The following UNC5B variants were observed in gnomAD, a reference collection of about 807,000 sequenced individuals.
The protein encoded by UNC5B is netrin receptor UNC5B.
In UNC5B, 56 loss-of-function variants were observed where a neutral mutation model predicts 103.7. That is an observed-to-expected ratio of 0.54 (90% CI 0.44 to 0.67). The LOEUF (loss-of-function observed/expected upper bound fraction) is 0.67. UNC5B is among the 30% of genes least tolerant of loss of function. UNC5B has a pLI of 0.00. For missense variants in UNC5B, 1,194 were observed against 1,284.5 expected (o/e 0.93, Z 1.08); for synonymous variants, 577 against 542.0 (o/e 1.06, Z -0.90).
intron 13 of UNC5B, among the ~76,000 whole-genome samples, chr10:71,294,285 C>T (rs563025615): frequency 1.2e-4 from 18 of 152,242 alleles, no homozygotes; most frequent in African/African-American, 4.3e-4. Flanking sequence ...CATTCCAGAC[C>T]GACAGAAATG....
rs149550445 is a variant in UNC5B, at chr10:71,250,269, C to T, written c.80-29552C>T. On this transcript the variant is annotated intron_variant, in intron 1 of 16. Coordinates refer to ENST00000335350, the MANE Select transcript of UNC5B (RefSeq NM_170744.5). ...GGCCCTAGGGATGACCCCGAGCCTC[C>T]GGCCGTTCTGCTGGGTCCAAATGGG... 2.6e-5 allele frequency among the ~76,000 whole-genome samples: 4 copies of T among 152,350 alleles called. No homozygotes were observed. In the East Asian group the frequency reaches 5.8e-4, roughly 22 times the overall value.
chr10:71,293,409 C>T lies in UNC5B; in HGVS notation c.1777C>T (p.Leu593Phe). The part of the protein sequence containing the change: ...LINKAESTLP[L>F]SEGTQTVLSP... ...CTACCCTGTGTCCTCCTCCAGCCCGCTTTCAGAAGGGACCCAGACAGTATT... is the reference window on the plus strand; with the variant it reads ...CTACCCTGTGTCCTCCTCCAGCCCGTTTTCAGAAGGGACCCAGACAGTATT... The change falls in exon 12 of 17, where the codon CTT becomes TTT. Residue 593 changes from leucine (L) to phenylalanine (F), a missense_variant. Physicochemically the swap from Leu to Phe is conservative, Grantham distance 22 (BLOSUM62 0). Coordinates refer to ENST00000335350, the MANE Select transcript of UNC5B (RefSeq NM_170744.5). 2.5e-6 allele frequency: 4 copies of T among 1,612,236 alleles called. No homozygotes were observed. Among genetic ancestry groups the T allele is most frequent in the Middle Eastern group, 1.7e-4 (1 of 6,050 alleles).
intron 1 of UNC5B, among the ~76,000 whole-genome samples, chr10:71,230,075 C>T (rs1291747212): frequency 6.6e-6 from 1 of 152,182 alleles, no homozygotes; most frequent in Non-Finnish European, 1.5e-5. Context: ...CTTTTCACCC[C>T]TACCTCCTCC....
chr10:71,226,984 T>TTC (rs1491107209), intron 1 of UNC5B, among the ~76,000 whole-genome samples: 8 of 40,834 alleles, frequency 2.0e-4, no homozygotes, highest in South Asian at 7.1e-4. Flanking sequence ...ACCATTCTTC[T>TTC]TTTTTTTTTT....
chr10:71,224,373 A>G (rs867670937), intron 1 of UNC5B, among the ~76,000 whole-genome samples: 4,112 of 115,562 alleles, frequency 0.036, 199 homozygotes, highest in East Asian at 0.25. Context: ...AGACACACAC[A>G]CACACACACA....
chr10:71,270,013 G>A (rs922041516), intron 1 of UNC5B, among the ~76,000 whole-genome samples: 3 of 152,172 alleles, frequency 2.0e-5, no homozygotes, highest in African/African-American at 7.2e-5. Flanking sequence ...AGCAAGGCAT[G>A]TCCCAGGAAA....
At chr10:71,258,416 G>A (rs910058863) in intron 1 of UNC5B, among the ~76,000 whole-genome samples, 4 of 152,194 alleles carry the variant, frequency 2.6e-5, no homozygotes, top group Non-Finnish European at 5.9e-5. Context: ...TGAAGACCTG[G>A]TGGTCTCAGC....
At chr10:71,277,209 G>A (rs1258182035) in intron 1 of UNC5B, among the ~76,000 whole-genome samples, 9 of 152,268 alleles carry the variant, frequency 5.9e-5, no homozygotes, top group Non-Finnish European at 1.3e-4. Flanking sequence ...CCGGGGCTGG[G>A]GGTGGTGCGG....
chr10:71,216,289 C>T (rs966870430), intron 1 of UNC5B, among the ~76,000 whole-genome samples: 38 of 152,192 alleles, frequency 2.5e-4, no homozygotes, highest in African/African-American at 9.2e-4. Flanking sequence ...TTAAGGCAGG[C>T]AGCTAAAGAT....
rs1289774524 is a variant in UNC5B, at chr10:71,295,849, G to A, written c.2214G>A (p.Leu738=). ...LELERTLGGY[L]VEEPKPLMFK... is the part of the protein sequence containing the mutation. ...TGGAGCGGACTCTGGGCGGATACTT[G>A]GTGGAGGAGCCGAAACCGCTAATGT... Residue 738 remains leucine (L), a synonymous_variant, in exon 14 of 17, where the codon TTG becomes TTA. Coordinates refer to ENST00000335350, the MANE Select transcript of UNC5B (RefSeq NM_170744.5). 21 of 1,612,872 alleles carry A rather than the reference G, an allele frequency of 1.3e-5. No individual in the cohort carries two copies. Among genetic ancestry groups the A allele is most frequent in the Non-Finnish European group, 1.8e-5 (21 of 1,179,960 alleles).
chr10:71,284,964 C>T, intron 3 of UNC5B, 101 bp downstream of exon 3: 5 of 1,484,428 alleles, frequency 3.4e-6, no homozygotes, highest in Non-Finnish European at 4.5e-6. Context: ...CTCCAGCATC[C>T]CTGGCTGAGG....
intron 1 of UNC5B, among the ~76,000 whole-genome samples, chr10:71,261,523 C>T (rs1004850113): frequency 2.0e-5 from 3 of 152,214 alleles, no homozygotes; most frequent in Non-Finnish European, 2.9e-5. Context: ...TTCCCTGAGA[C>T]GTCAGTGGAA....
At chr10:71,296,279 T>A (rs1417448999) in intron 14 of UNC5B, among the ~76,000 whole-genome samples, 2 of 152,064 alleles carry the variant, frequency 1.3e-5, no homozygotes, top group African/African-American at 4.8e-5. Flanking sequence ...GCCCATCTCA[T>A]CTCTGACAGC....
At chr10:71,244,313 G>GC (rs983357325) in intron 1 of UNC5B, among the ~76,000 whole-genome samples, 4 of 152,172 alleles carry the variant, frequency 2.6e-5, no homozygotes, top group South Asian at 2.1e-4. Context: ...GGTAAGGGTG[G>GC]CCCCCCACCC....
At chr10:71,233,256 G>A (rs1843716569) in intron 1 of UNC5B, among the ~76,000 whole-genome samples, 1 of 152,190 alleles carries the variant, frequency 6.6e-6, no homozygotes, top group African/African-American at 2.4e-5. Context: ...TTTCAAGTGT[G>A]TCCTAGCACC....
Position 71,296,749 on chromosome 10 carries a change from G to C in UNC5B, c.2490+7G>C. 6.2e-7 allele frequency: 1 copy of C among 1,603,762 alleles called. No individual in the cohort carries two copies. Among genetic ancestry groups the C allele is most frequent in the South Asian group, 1.1e-5 (1 of 90,746 alleles). On this transcript the variant is annotated splice_region_variant and intron_variant, in intron 15 of 16. Coordinates refer to ENST00000335350, the MANE Select transcript of UNC5B (RefSeq NM_170744.5). Reference sequence around the variant, plus strand: ...GCATACCACTCTGGCAGAGGTGAGGGAAGTCGGGGCCACATATTCCAGCTG... The same window carrying C: ...GCATACCACTCTGGCAGAGGTGAGGCAAGTCGGGGCCACATATTCCAGCTG...
chr10:71,248,863 TCTCTCA>T (rs775212829), intron 1 of UNC5B, among the ~76,000 whole-genome samples: 168 of 30,766 alleles, frequency 5.5e-3, no homozygotes, highest in Middle Eastern at 0.017. Flanking sequence ...TCTCTCTCTC[TCTCTCA>T]CACACACACA....
intron 4 of UNC5B, among the ~76,000 whole-genome samples, chr10:71,286,069 A>G (rs966715112): frequency 7.9e-5 from 12 of 152,044 alleles, no homozygotes; most frequent in African/African-American, 2.7e-4. Context: ...GCTCAGACAA[A>G]TACCCCTGGC....
At chr10:71,275,726 A>G (rs376777235) in intron 1 of UNC5B, among the ~76,000 whole-genome samples, 2 of 152,016 alleles carry the variant, frequency 1.3e-5, no homozygotes, top group Non-Finnish European at 2.9e-5. Flanking sequence ...GTGGTTCCCA[A>G]ACTACCTGCC....
Sources: gnomAD v4.1 joint callset for allele counts (sites outside exome capture counted in the v4.1 genomes callset) on GRCh38, gnomAD v4.1.1 for gene constraint, MANE v1.5 for transcripts, NCBI Gene and HGNC (gene_info 2026-07-23, HGNC 2026-07-21) for gene names.